The following ANKRD30B variants were observed in gnomAD, a reference collection of about 807,000 sequenced individuals.
ANKRD30B encodes ankyrin repeat domain-containing protein 30B.
A neutral mutation model predicts 202.2 loss-of-function variants in ANKRD30B; 144 were observed. That is an observed-to-expected ratio of 0.71 (90% CI 0.62 to 0.82). The LOEUF (loss-of-function observed/expected upper bound fraction) is 0.82. Ranked by LOEUF, ANKRD30B falls within the 40% of genes least tolerant of loss-of-function variation. The probability of loss-of-function intolerance (pLI) is 0.00; values close to 1 mark genes in which losing one functional copy is unlikely to be tolerated. For missense variants in ANKRD30B, 1,487 were observed against 1,669.1 expected (o/e 0.89, Z 1.90); for synonymous variants, 508 against 561.3 (o/e 0.91, Z 1.34).
intron 16 of ANKRD30B, among the ~76,000 whole-genome samples, chr18:14,795,453 G>T (rs559704672): frequency 9.2e-5 from 14 of 152,132 alleles, no homozygotes; most frequent in Non-Finnish European, 1.8e-4. Flanking sequence ...CTCTTCAGGC[G>T]TCCAAGGTTC....
chr18:14,839,807 A>G (rs537238699), intron 36 of ANKRD30B, among the ~76,000 whole-genome samples: 1 of 152,328 alleles, frequency 6.6e-6, no homozygotes, highest in African/African-American at 2.4e-5. Flanking sequence ...AGCTTTTAAC[A>G]GAGTTCTGTT....
chr18:14,763,907 G>A lies in ANKRD30B; in HGVS notation c.1042G>A (p.Glu348Lys). The A allele has an allele frequency of 1.9e-6, 3 of 1,611,678 alleles. No individual in the cohort carries two copies. Among genetic ancestry groups the A allele is most frequent in the East Asian group, 2.2e-5 (1 of 44,748 alleles). Residue 348 changes from glutamate (E) to lysine (K), a missense_variant, in exon 7 of 44, where the codon GAG (glutamate) becomes AAG (lysine). Around this residue, in one of 6 missense-constraint regions of ANKRD30B, gnomAD observed 889 missense variants for 841.4 expected, o/e 1.06. Coordinates refer to ENST00000690538, the MANE Select transcript of ANKRD30B (RefSeq NM_001367607.2). ...KILRPTKETS[E>K]KFSWPAKERS... is the part of the protein sequence containing the mutation. The stretch of plus-strand genomic sequence containing the variant: ...TTTGAGGCCTACAAAAGAAACATCT[G>A]AGAAATTTTCATGGCCAGCAAAAGA...
chr18:14,872,416 A>T, the ANKRD30B span, among the ~76,000 whole-genome samples: 1 of 152,176 alleles, frequency 6.6e-6, no homozygotes, highest in African/African-American at 2.4e-5. Flanking sequence ...ATTCACTCTG[A>T]GCTTTTTTGC....
chr18:14,871,164 C>T, the ANKRD30B span, among the ~76,000 whole-genome samples: 1 of 128,362 alleles, frequency 7.8e-6, no homozygotes, highest in East Asian at 2.2e-4. Context: ...CACCCCTACC[C>T]ACACCGGCAC....
intron 22 of ANKRD30B, among the ~76,000 whole-genome samples, chr18:14,800,330 T>C (rs1969229083): frequency 1.3e-5 from 2 of 150,490 alleles, no homozygotes; most frequent in South Asian, 2.1e-4. Context: ...AATTTTGATA[T>C]GGCGTCTCGC....
the ANKRD30B span, among the ~76,000 whole-genome samples, chr18:14,892,299 G>T: frequency 6.6e-6 from 1 of 152,176 alleles, no homozygotes; most frequent in African/African-American, 2.4e-5. Flanking sequence ...CATAAATGTT[G>T]ACTGATAGAG....
intron 1 of ANKRD30B, among the ~76,000 whole-genome samples, chr18:14,751,172 G>C (rs1430748579): frequency 2.4e-4 from 37 of 151,490 alleles, no homozygotes; most frequent in Admixed American, 2.2e-3. Context: ...ATTATATATA[G>C]GCTTATTACA....
chr18:14,930,958 A>T, the ANKRD30B span, among the ~76,000 whole-genome samples: 1 of 152,242 alleles, frequency 6.6e-6, no homozygotes, highest in East Asian at 1.9e-4. Context: ...CAGAGAAGTC[A>T]TTGGAAATAC....
chr18:14,826,428 T>A (rs1970660124), intron 32 of ANKRD30B, among the ~76,000 whole-genome samples: 1 of 152,188 alleles, frequency 6.6e-6, no homozygotes, highest in Admixed American at 6.5e-5. Flanking sequence ...TTGTTAGGTA[T>A]AATGTTGATG....
intron 30 of ANKRD30B, among the ~76,000 whole-genome samples, chr18:14,819,106 T>G (rs1011393592): frequency 6.6e-6 from 1 of 151,906 alleles, no homozygotes; most frequent in Admixed American, 6.5e-5. Flanking sequence ...ATTTCTCTGA[T>G]GGCCAGTGAT....
At chr18:14,822,908 C>A (rs1215256094) in intron 32 of ANKRD30B, among the ~76,000 whole-genome samples, 1 of 117,496 alleles carries the variant, frequency 8.5e-6, no homozygotes, top group Admixed American at 9.7e-5. Context: ...CTTTAATATC[C>A]TGATACTATA....
At chr18:14,850,634 G>A (rs1036927467) in intron 41 of ANKRD30B, among the ~76,000 whole-genome samples, 3 of 151,650 alleles carry the variant, frequency 2.0e-5, no homozygotes, top group African/African-American at 7.3e-5. Context: ...TAATTTATTG[G>A]TAAGTATTTT....
the ANKRD30B span, chr18:14,915,641 C>A: frequency 6.6e-6 from 1 of 152,116 alleles, no homozygotes. Flanking sequence ...TCAAGTCACT[C>A]TTGAGACTCA....
At chr18:14,867,471 G>T in the ANKRD30B span, among the ~76,000 whole-genome samples, 4 of 152,062 alleles carry the variant, frequency 2.6e-5, no homozygotes, top group African/African-American at 9.7e-5. Flanking sequence ...GCTCGTGTTG[G>T]AGCGCAGAGG....
intron 24 of ANKRD30B, among the ~76,000 whole-genome samples, chr18:14,805,662 G>A (rs1050969266): frequency 1.3e-5 from 2 of 150,838 alleles, no homozygotes; most frequent in African/African-American, 4.9e-5. Flanking sequence ...AGAACATGAT[G>A]AATATTTGTA....
intron 3 of ANKRD30B, among the ~76,000 whole-genome samples, chr18:14,754,596 A>G (rs907986224): frequency 2.0e-5 from 3 of 152,138 alleles, no homozygotes; most frequent in African/African-American, 7.2e-5. Context: ...GGATATAGAG[A>G]TAAAAGATAC....
chr18:14,814,347 T>C (rs1416813189), intron 29 of ANKRD30B, among the ~76,000 whole-genome samples: 1 of 55,612 alleles, frequency 1.8e-5, no homozygotes, highest in Non-Finnish European at 3.5e-5. Context: ...TTCTGAAATA[T>C]GCACGAGTGA....
At chr18:14,831,574 G>C (rs1159276541) in intron 34 of ANKRD30B, 119 bp downstream of exon 34, 2 of 527,936 alleles carry the variant, frequency 3.8e-6, no homozygotes, top group Non-Finnish European at 6.6e-6. Flanking sequence ...ATATAAAGTT[G>C]GTCACATAAA....
chr18:14,825,892 T>G (rs1385757650), intron 32 of ANKRD30B, among the ~76,000 whole-genome samples: 1 of 152,060 alleles, frequency 6.6e-6, no homozygotes, highest in Non-Finnish European at 1.5e-5. Context: ...GAGAAGAAAT[T>G]TCAGGTCATT....
Sources: gnomAD v4.1 joint callset for allele counts (sites outside exome capture counted in the v4.1 genomes callset) on GRCh38, gnomAD v4.1.1 for gene constraint, gnomAD v4.1.1 regional missense constraint, MANE v1.5 for transcripts, NCBI Gene and HGNC (gene_info 2026-07-23, HGNC 2026-07-21) for gene names.